The following ARHGAP24 variants were observed in gnomAD, a reference collection of about 807,000 sequenced individuals.
The protein encoded by ARHGAP24 is rho GTPase-activating protein 24.
ARHGAP24 carries 50 observed loss-of-function variants against 76.4 expected under a neutral mutation model. The observed-to-expected ratio is 0.65, with a 90% CI of 0.52 to 0.83. ARHGAP24 has a LOEUF of 0.83. ARHGAP24 is among the 40% of genes least tolerant of loss of function. The pLI, the probability that ARHGAP24 is intolerant of heterozygous loss-of-function variation, is 0.00. For synonymous variants in ARHGAP24, 345 were observed against 323.3 expected, an observed-to-expected ratio of 1.07 and a Z score of -0.72; for missense variants, 930 against 914.2, an observed-to-expected ratio of 1.02 and a Z score of -0.22.
chr4:85,975,532 A>G (rs1739267424), intron 7 of ARHGAP24: 1 of 152,956 alleles, frequency 6.5e-6, no homozygotes, highest in Non-Finnish European at 1.5e-5. Flanking sequence ...TCTGTTAGAA[A>G]AATAATTGTG....
At chr4:85,778,363 G>T (rs1727384059) in intron 3 of ARHGAP24, among the ~76,000 whole-genome samples, 1 of 152,172 alleles carries the variant, frequency 6.6e-6, no homozygotes, top group Non-Finnish European at 1.5e-5. Flanking sequence ...TGCTTATTAT[G>T]CAAGGATATA....
At chr4:85,570,178 C>T (rs1411845022) in intron 1 of ARHGAP24, among the ~76,000 whole-genome samples, 1 of 152,154 alleles carries the variant, frequency 6.6e-6, no homozygotes, top group African/African-American at 2.4e-5. Context: ...TCCACGTTTC[C>T]TCTGGGCATA....
chr4:85,874,895 T>TA (rs1226709559), intron 3 of ARHGAP24, among the ~76,000 whole-genome samples: 9 of 108,614 alleles, frequency 8.3e-5, no homozygotes, highest in African/African-American at 3.0e-4. Context: ...TAAATATATT[T>TA]TATATAATTT....
chr4:85,930,686 A>G (rs978235863), intron 4 of ARHGAP24: 6 of 1,189,858 alleles, frequency 5.0e-6, no homozygotes, highest in African/African-American at 4.8e-5. Flanking sequence ...AAAAAAGAAA[A>G]AAAAAACCTT....
intron 2 of ARHGAP24, among the ~76,000 whole-genome samples, chr4:85,623,990 G>A (rs1264833792): frequency 6.6e-6 from 1 of 152,136 alleles, no homozygotes; most frequent in Non-Finnish European, 1.5e-5. Context: ...ATTTTGGGCT[G>A]AGACAATGGG....
chr4:85,895,461 A>G (rs1734123055), intron 3 of ARHGAP24, among the ~76,000 whole-genome samples: 1 of 152,142 alleles, frequency 6.6e-6, no homozygotes, highest in South Asian at 2.1e-4. Flanking sequence ...GCACTCATAA[A>G]TGAACATGGA....
chr4:85,707,153 T>A (rs1328569303), intron 2 of ARHGAP24, among the ~76,000 whole-genome samples: 1 of 152,150 alleles, frequency 6.6e-6, no homozygotes, highest in Non-Finnish European at 1.5e-5. Context: ...TGCCAAAAAA[T>A]CCTCTCACCT....
At position 85,973,833 on chromosome 4, in the gene ARHGAP24, G is replaced by GTTTTTTTTTTTTTT. The variant is rs1199796194; in HGVS notation, c.733-1041_733-1028dup. On this transcript the variant is annotated intron_variant, in intron 6 of 9. Coordinates refer to ENST00000395184, the MANE Select transcript of ARHGAP24 (RefSeq NM_001025616.3). ...CTCATGTCAAAAACTGCTGCCTATTGTTTTTTTTTTTTTTTTTTTTTTTTT... is the reference window on the plus strand; with the variant it reads ...CTCATGTCAAAAACTGCTGCCTATTGTTTTTTTTTTTTTTTTTTTTTTTTTTTTTTTTTTTTTTT... 4.9e-4 allele frequency among the ~76,000 whole-genome samples: 21 copies of GTTTTTTTTTTTTTT among 42,818 alleles called. 5 individuals carry two copies. Among genetic ancestry groups the GTTTTTTTTTTTTTT allele is most frequent in the African/African-American group, 1.2e-3 (11 of 9,524 alleles). The allele number at this position is 42,818 out of a possible 152,430, so 28.1% of individuals were successfully genotyped here.
intron 2 of ARHGAP24, among the ~76,000 whole-genome samples, chr4:85,685,665 T>C (rs1723396248): frequency 7.0e-6 from 1 of 143,634 alleles, no homozygotes; most frequent in Non-Finnish European, 1.5e-5. Flanking sequence ...AAAAGAAGTC[T>C]CCACAAAGTG....
chr4:85,611,168 A>G (rs181970004), intron 2 of ARHGAP24, among the ~76,000 whole-genome samples: 17 of 152,344 alleles, frequency 1.1e-4, no homozygotes, highest in African/African-American at 3.1e-4. Context: ...GCTATGTGCT[A>G]CTGCTACATG....
chr4:85,592,174 G>A (rs946927521), intron 2 of ARHGAP24, among the ~76,000 whole-genome samples: 3 of 152,040 alleles, frequency 2.0e-5, no homozygotes, highest in African/African-American at 7.3e-5. Context: ...AATTTTTGTG[G>A]GTGCATAGTA....
intron 3 of ARHGAP24, among the ~76,000 whole-genome samples, chr4:85,876,765 G>A (rs1223656236): frequency 1.3e-5 from 2 of 152,132 alleles, no homozygotes; most frequent in South Asian, 2.1e-4. Flanking sequence ...TGGAGCACAC[G>A]TAACATCAGT....
intron 2 of ARHGAP24, among the ~76,000 whole-genome samples, chr4:85,643,756 T>C (rs2109973192): frequency 6.6e-6 from 1 of 152,292 alleles, no homozygotes; most frequent in East Asian, 1.9e-4. Context: ...TATCTTTTGA[T>C]ATTGGTTTTC....
intron 8 of ARHGAP24, among the ~76,000 whole-genome samples, chr4:85,984,303 A>G (rs926027628): frequency 1.3e-5 from 2 of 152,190 alleles, no homozygotes; most frequent in Non-Finnish European, 2.9e-5. Flanking sequence ...TGGGTAGCTT[A>G]TAAAGAACAG....
chr4:85,953,381 A>C (rs1438605001), intron 5 of ARHGAP24, among the ~76,000 whole-genome samples: 5 of 152,208 alleles, frequency 3.3e-5, no homozygotes, highest in Admixed American at 3.3e-4. Flanking sequence ...AAAATTTAGG[A>C]GACAGAAAAG....
At chr4:85,955,625 G>A (rs907099546) in intron 5 of ARHGAP24, among the ~76,000 whole-genome samples, 1 of 152,090 alleles carries the variant, frequency 6.6e-6, no homozygotes, top group Admixed American at 6.5e-5. Flanking sequence ...ATTCTTATAT[G>A]CATGGTCCTA....
At chr4:85,860,424 C>T (rs923271843) in intron 3 of ARHGAP24, among the ~76,000 whole-genome samples, 18 of 152,056 alleles carry the variant, frequency 1.2e-4, no homozygotes, top group Admixed American at 5.9e-4. Context: ...CTCTTCATTA[C>T]GGTTTAATAT....
chr4:85,981,813 C>T (rs1478332816), intron 8 of ARHGAP24, among the ~76,000 whole-genome samples: 1 of 152,112 alleles, frequency 6.6e-6, no homozygotes, highest in Non-Finnish European at 1.5e-5. Context: ...TCCTTCAGAC[C>T]TTGCCATTGG....
At chr4:85,880,548 T>C (rs986641663) in intron 3 of ARHGAP24, among the ~76,000 whole-genome samples, 1 of 148,248 alleles carries the variant, frequency 6.7e-6, no homozygotes, top group South Asian at 2.1e-4. Flanking sequence ...TGTGTGTGTG[T>C]GACGGAGTCT....
Sources: gnomAD v4.1 joint callset for allele counts (sites outside exome capture counted in the v4.1 genomes callset) on GRCh38, gnomAD v4.1.1 for gene constraint, MANE v1.5 for transcripts, NCBI Gene and HGNC (gene_info 2026-07-23, HGNC 2026-07-21) for gene names.